Variants in ZNF57 observed in about 807,000 individuals in gnomAD.
ZNF57 encodes the protein zinc finger protein 424.
A neutral mutation model predicts 13.4 loss-of-function variants in ZNF57; 11 were observed. The ratio of observed to expected loss-of-function variants is 0.82; its 90% CI spans 0.52 to 1.36. ZNF57 has a LOEUF of 1.36. Among genes scored for constraint, ZNF57 ranks in the 40% most tolerant of loss-of-function variants. The probability of loss-of-function intolerance (pLI) is 0.00; values close to 1 mark genes in which losing one functional copy is unlikely to be tolerated. For synonymous variants in ZNF57, 224 were observed against 238.5 expected, an observed-to-expected ratio of 0.94 and a Z score of 0.56; for missense variants, 696 against 667.5, an observed-to-expected ratio of 1.04 and a Z score of -0.47.
intron 1 of ZNF57, among the ~76,000 whole-genome samples, chr19:2,908,433 A>C (rs942015331): frequency 1.4e-5 from 2 of 147,794 alleles, no homozygotes; most frequent in Non-Finnish European, 3.0e-5. Context: ...TTTAACGTGC[A>C]CATTTCATTG....
chr19:2,903,213 C>T lies in ZNF57; in HGVS notation c.3+2165C>T, dbSNP rs1262138468. ...TTCTAAGCAGTGGGTTTAGTTTATG[C>T]TTTAAGTGTTGTTTTTCTTTTTTGG... On this transcript the variant is annotated intron_variant, in intron 1 of 3. Transcript: ENST00000306908. Among the ~76,000 whole-genome samples the T allele has an allele frequency of 5.9e-5, 9 of 152,206 alleles. No individual in the cohort carries two copies. The East Asian group carries it at 1.2e-3, about 20-fold the overall frequency.
Position 2,917,263 on chromosome 19 carries a change from C to A in ZNF57, c.642C>A (p.His214Gln). Residue 214 changes from histidine to glutamine, a missense_variant, in exon 4 of 4, where the codon CAC becomes CAA. Coordinates refer to ENST00000306908, the MANE Select transcript of ZNF57 (RefSeq NM_173480.3). ...TFQHPRYLSHHVKTHTAEKTY... is the reference protein window; with the variant it reads ...TFQHPRYLSHQVKTHTAEKTY... Reference sequence around the variant, plus strand: ...AACATCCTCGTTACCTCTCCCACCACGTAAAGACTCACACAGCAGAGAAAA... The same window carrying A: ...AACATCCTCGTTACCTCTCCCACCAAGTAAAGACTCACACAGCAGAGAAAA... 1 of 1,614,170 alleles carries A rather than the reference C, an allele frequency of 6.2e-7. No individual in the cohort carries two copies. The highest frequency in any genetic ancestry group is 8.5e-7 in the Non-Finnish European group (1 of 1,180,042).
In ZNF57 at chr19:2,913,108, C is replaced by T. The variant is rs1303046043; in HGVS notation, c.4-2414C>T. On this transcript the variant is annotated intron_variant, in intron 1 of 3. Coordinates refer to ENST00000306908, the MANE Select transcript of ZNF57 (RefSeq NM_173480.3). Reference sequence around the variant, plus strand: ...AGCTGGGATTACAGGCATCCGCCACCACGCCCAGCTAATTTTTGTGTTTTT... The same window carrying T: ...AGCTGGGATTACAGGCATCCGCCACTACGCCCAGCTAATTTTTGTGTTTTT... Among the ~76,000 whole-genome samples, 4 of 152,250 alleles carry T rather than the reference C, an allele frequency of 2.6e-5. No individual in the cohort carries two copies. In the South Asian group the frequency reaches 8.3e-4, roughly 32 times the overall value.
In ZNF57 at chr19:2,917,179, C is replaced by G; in HGVS notation, c.558C>G (p.His186Gln). 2 of 1,614,144 alleles carry G rather than the reference C, an allele frequency of 1.2e-6. No homozygotes were observed. The highest frequency in any genetic ancestry group is 1.1e-5 in the South Asian group (1 of 91,088). Residue 186 changes from histidine (H) to glutamine (Q), a missense_variant, in exon 4 of 4, where the codon CAC (histidine) becomes CAG (glutamine). Physicochemically the swap from His to Gln is conservative, Grantham distance 24. Transcript: ENST00000306908. The part of the protein sequence containing the change: ...ACICPSHLHS[H>Q]GRTDTEEKPY... ...TTTGTCCCTCACACCTACACAGTCA[C>G]GGAAGAACTGACACTGAGGAGAAGC...
chr19:2,904,035 A>G (rs2088052784), intron 1 of ZNF57, among the ~76,000 whole-genome samples: 1 of 151,904 alleles, frequency 6.6e-6, no homozygotes, highest in South Asian at 2.1e-4. Context: ...TAATTTTTAT[A>G]TTTTTTTGTA....
chr19:2,918,268 A>C lies in ZNF57; in HGVS notation c.1647A>C (p.Lys549Asn), dbSNP rs369161180. Reference protein sequence around the residue: ...KAFSCQVILSKTSESTH With the variant: ...KAFSCQVILSNTSESTH ...TCAGTTGCCAAGTCATTCTTTCTAA[A>C]ACCAGTGAGAGCACACACTAAAGAG... Residue 549 changes from lysine (K) to asparagine (N), a missense_variant, in exon 4 of 4, where the codon AAA becomes AAC. This residue lies in a region of ZNF57 where 645 missense variants were observed against 591.5 expected (regional missense o/e 1.09). Coordinates refer to ENST00000306908, the MANE Select transcript of ZNF57 (RefSeq NM_173480.3). The C allele has an allele frequency of 3.1e-6, 5 of 1,608,932 alleles. No individual in the cohort carries two copies. The highest frequency in any genetic ancestry group is 4.2e-6 in the Non-Finnish European group (5 of 1,176,874).
chr19:2,916,198 T>A lies in ZNF57; in HGVS notation c.251T>A (p.Leu84Ter). ...GGAAATAATTCCTGTGCCTACACTT[T>A]AGAAAAAAATTGTGAAGGCTATGGC... Reference protein sequence around the residue: ...FTGNNSCAYTLEKNCEGYGTE... With the variant: ...FTGNNSCAYT Residue 84 changes from leucine (L) to a stop codon, truncating the protein, a stop_gained, in exon 3 of 4, where the codon TTA becomes TAA. Coordinates refer to ENST00000306908, the MANE Select transcript of ZNF57 (RefSeq NM_173480.3). LOFTEE classifies it high-confidence loss of function. The A allele has an allele frequency of 6.2e-7, 1 of 1,613,148 alleles. No individual in the cohort carries two copies. The highest frequency in any genetic ancestry group is 8.5e-7 in the Non-Finnish European group (1 of 1,179,732).
chr19:2,910,386 A>G lies in ZNF57; in HGVS notation c.4-5136A>G, dbSNP rs1475699308. Among the ~76,000 whole-genome samples, 4 of 45,454 alleles carry G rather than the reference A, an allele frequency of 8.8e-5. 2 individuals are homozygous for G. Among genetic ancestry groups the G allele is most frequent in the African/African-American group, 2.0e-4 (4 of 20,036 alleles). 29.8% of individuals were successfully genotyped at this position (45,454 alleles called of 152,430 possible). ...TTGAAGTTGTCTACAGACATTCATC[A>G]TTGGGGGTGCTGTTGAATTCAACTC... On this transcript the variant is annotated intron_variant, in intron 1 of 3. Coordinates refer to ENST00000306908, the MANE Select transcript of ZNF57 (RefSeq NM_173480.3).
intron 1 of ZNF57, among the ~76,000 whole-genome samples, chr19:2,905,602 A>G (rs1250956057): frequency 6.6e-6 from 1 of 151,428 alleles, no homozygotes; most frequent in Admixed American, 6.6e-5. Context: ...GTCTCTACTA[A>G]AAAATACAAA....
chr19:2,909,303 C>CA (rs1401746785), intron 1 of ZNF57, among the ~76,000 whole-genome samples: 1 of 40,838 alleles, frequency 2.4e-5, no homozygotes, highest in Non-Finnish European at 5.4e-5. Flanking sequence ...TTTTTTGAGA[C>CA]AGAGTCTCGC....
chr19:2,904,913 AACTT>A (rs2088059842), intron 1 of ZNF57, among the ~76,000 whole-genome samples: 1 of 152,134 alleles, frequency 6.6e-6, no homozygotes, highest in Non-Finnish European at 1.5e-5. Flanking sequence ...TGTAAGAACT[AACTT>A]CTGAATGGGC....
At position 2,915,463 on chromosome 19, in the gene ZNF57, A is replaced by G. The variant is rs2088182279; in HGVS notation, c.4-59A>G. 3 of 1,582,886 alleles carry G rather than the reference A, an allele frequency of 1.9e-6. No homozygotes were observed. In the Admixed American group the frequency reaches 5.3e-5, roughly 28 times the overall value. ...TTGTTTGAATTTATGAATTGAGTCCAGTTCCCCAGTACTTTCAGTGTCTCC... is the reference window on the plus strand; with the variant it reads ...TTGTTTGAATTTATGAATTGAGTCCGGTTCCCCAGTACTTTCAGTGTCTCC... On this transcript the variant is annotated intron_variant, in intron 1 of 3. Transcript: ENST00000306908.
chr19:2,903,864 C>T (rs62125390), intron 1 of ZNF57, among the ~76,000 whole-genome samples: 7,614 of 151,734 alleles, frequency 0.05, 398 homozygotes, highest in African/African-American at 0.13. Flanking sequence ...TACAGGCGAC[C>T]GCCACCTCGC....
At chr19:2,905,910 T>C (rs2088071365) in intron 1 of ZNF57, among the ~76,000 whole-genome samples, 2 of 152,198 alleles carry the variant, frequency 1.3e-5, no homozygotes, top group Non-Finnish European at 2.9e-5. Flanking sequence ...GTTTTGGATG[T>C]AATGGAATTG....
rs2088192580 is a variant in ZNF57, at chr19:2,916,187, T to C, written c.240T>C (p.Cys80=). 6.2e-7 allele frequency: 1 copy of C among 1,613,800 alleles called. No individual in the cohort carries two copies. Among genetic ancestry groups the C allele is most frequent in the Non-Finnish European group, 8.5e-7 (1 of 1,179,978 alleles). ...TIPNFTGNNS[C]AYTLEKNCEG... Reference sequence around the variant, plus strand: ...CAAACTTCACAGGAAATAATTCCTGTGCCTACACTTTAGAAAAAAATTGTG... The same window carrying C: ...CAAACTTCACAGGAAATAATTCCTGCGCCTACACTTTAGAAAAAAATTGTG... Residue 80 remains cysteine, a synonymous_variant, in exon 3 of 4, where the codon TGT becomes TGC. Transcript: ENST00000306908.
chr19:2,915,404 C>T (rs534489363), intron 1 of ZNF57, 118 bp from the exon 2 acceptor site: 18 of 1,330,104 alleles, frequency 1.4e-5, no homozygotes, highest in African/African-American at 4.4e-5. Context: ...CTAACATTCG[C>T]GTCATAGAGG....
chr19:2,914,337 C>T (rs150426296), intron 1 of ZNF57, among the ~76,000 whole-genome samples: 6,691 of 152,248 alleles, frequency 0.044, 185 homozygotes, highest in Non-Finnish European at 0.073. Flanking sequence ...TCACCGCAAC[C>T]TCCACCTCCT....
chr19:2,910,886 G>T (rs2088127696), intron 1 of ZNF57, among the ~76,000 whole-genome samples: 1 of 151,070 alleles, frequency 6.6e-6, no homozygotes, highest in African/African-American at 2.4e-5. Flanking sequence ...GAGCCACCGG[G>T]CCCGGCCTGG....
Position 2,905,407 on chromosome 19 carries a change from G to GCCCCCCCCCCCCCCCCCCCCCCC in ZNF57, c.3+4370_3+4371insCCCCCCCCCCCCCCCCCCCCCCC, listed in dbSNP as rs752129900. Among the ~76,000 whole-genome samples, 13 of 34,818 alleles carry GCCCCCCCCCCCCCCCCCCCCCCC rather than the reference G, an allele frequency of 3.7e-4. 6 individuals are homozygous for GCCCCCCCCCCCCCCCCCCCCCCC. The highest frequency in any genetic ancestry group is 2.1e-3 in the South Asian group (2 of 966). 22.8% of individuals were successfully genotyped at this position (34,818 alleles called of 152,430 possible). On this transcript the variant is annotated intron_variant, in intron 1 of 3. Transcript: ENST00000306908. ...CTCGAACTCTTGACTTCAGGTGATC[G>GCCCCCCCCCCCCCCCCCCCCCCC]CCCCCCCCCCCTCGGCATTCCAAAG...
Sources: gnomAD v4.1 joint callset for allele counts (sites outside exome capture counted in the v4.1 genomes callset) on GRCh38, gnomAD v4.1.1 for gene constraint, gnomAD v4.1.1 regional missense constraint, MANE v1.5 for transcripts, NCBI Gene and HGNC (gene_info 2026-07-23, HGNC 2026-07-21) for gene names.